The following ARL15 variants were observed in gnomAD, a reference collection of about 807,000 sequenced individuals.
ARL15 encodes ARF like GTPase 15, also known as ADP-ribosylation factor-like protein 15.
In ARL15, 19 loss-of-function variants were observed where a neutral mutation model predicts 25.2. The observed-to-expected ratio is 0.75, with a 90% CI of 0.53 to 1.10. The LOEUF (loss-of-function observed/expected upper bound fraction) is 1.10, where lower values mean the gene tolerates loss of function less well. Among genes scored for constraint, ARL15 ranks in the 50% least tolerant of loss-of-function variants. The probability of loss-of-function intolerance (pLI) is 0.00; values close to 1 mark genes in which losing one functional copy is unlikely to be tolerated. For missense variants in ARL15, 220 were observed against 246.0 expected, an observed-to-expected ratio of 0.89 and a Z score of 0.71; for synonymous variants, 94 against 86.8, an observed-to-expected ratio of 1.08 and a Z score of -0.46.
At chr5:54,275,703 G>A (rs1211722195) in intron 1 of ARL15, among the ~76,000 whole-genome samples, 2 of 141,092 alleles carry the variant, frequency 1.4e-5, no homozygotes, top group Non-Finnish European at 3.1e-5. Flanking sequence ...TTTTTTTTTT[G>A]AGACACAGTC....
At chr5:54,245,758 T>C (rs1432783472) in intron 1 of ARL15, among the ~76,000 whole-genome samples, 5 of 152,116 alleles carry the variant, frequency 3.3e-5, no homozygotes, top group South Asian at 2.1e-4. Flanking sequence ...CAGCTAATTT[T>C]TGTATTTATA....
chr5:54,237,136 G>A (rs553685228), intron 1 of ARL15, among the ~76,000 whole-genome samples: 5 of 152,306 alleles, frequency 3.3e-5, no homozygotes, highest in African/African-American at 1.2e-4. Flanking sequence ...CATGGGAGTG[G>A]GTTTTCCCCC....
intron 4 of ARL15, among the ~76,000 whole-genome samples, chr5:53,946,949 G>A: frequency 6.6e-6 from 1 of 152,214 alleles, no homozygotes; most frequent in East Asian, 1.9e-4. Context: ...TTATAAAGCT[G>A]TATGTAGGAG....
intron 4 of ARL15, among the ~76,000 whole-genome samples, chr5:53,936,920 C>G (rs1379051656): frequency 6.6e-6 from 1 of 152,210 alleles, no homozygotes; most frequent in Non-Finnish European, 1.5e-5. Context: ...ATCCCAAATG[C>G]TGCTAATCAA....
chr5:54,138,232 T>C (rs1022538798), intron 3 of ARL15, among the ~76,000 whole-genome samples: 6 of 151,982 alleles, frequency 3.9e-5, no homozygotes, highest in African/African-American at 7.3e-5. Flanking sequence ...TGTCCCAACA[T>C]TTCGGGAGGC....
At chr5:53,897,117 C>A (rs1744898681) in intron 4 of ARL15, among the ~76,000 whole-genome samples, 1 of 152,158 alleles carries the variant, frequency 6.6e-6, no homozygotes, top group Admixed American at 6.5e-5. Context: ...TAAAATTCAT[C>A]CTTTGAAAGC....
Position 54,115,226 on chromosome 5 carries a change from T to C in ARL15, c.254-1816A>G, listed in dbSNP as rs188701402. Among the ~76,000 whole-genome samples, 323 of 152,316 alleles carry C rather than the reference T, an allele frequency of 2.1e-3. 1 individual carries two copies. The highest frequency in any genetic ancestry group is 3.4e-3 in the Middle Eastern group (1 of 294). On this transcript the variant is annotated intron_variant, in intron 3 of 4. Coordinates refer to ENST00000504924, the MANE Select transcript of ARL15 (RefSeq NM_019087.3). ...AGAAAAGAAAACTCAAAGATTATAA[T>C]AGAGTACAAGAAAGTGCTGTCATAG...
intron 4 of ARL15, among the ~76,000 whole-genome samples, chr5:53,978,116 A>G (rs534635740): frequency 3.3e-5 from 5 of 152,256 alleles, no homozygotes; most frequent in African/African-American, 1.2e-4. Flanking sequence ...GAAAGGGGGA[A>G]AAAAAGGAAC....
chr5:53,978,464 A>G (rs1748013727), intron 4 of ARL15, among the ~76,000 whole-genome samples: 2 of 151,828 alleles, frequency 1.3e-5, no homozygotes, highest in African/African-American at 2.4e-5. Context: ...CTACTCCCGG[A>G]GTCATCCATT....
At chr5:54,303,044 C>G (rs772599876) in intron 1 of ARL15, among the ~76,000 whole-genome samples, 2 of 152,172 alleles carry the variant, frequency 1.3e-5, no homozygotes, top group African/African-American at 4.8e-5. Context: ...CCTTCCCTAA[C>G]AAGCTTTCCT....
intron 1 of ARL15, among the ~76,000 whole-genome samples, chr5:54,296,353 C>T (rs896016347): frequency 5.3e-5 from 8 of 152,254 alleles, no homozygotes; most frequent in South Asian, 2.1e-4. Context: ...CTCAATTCTG[C>T]GAGGTAGGTA....
At chr5:54,193,740 T>G (rs16882414) in intron 1 of ARL15, among the ~76,000 whole-genome samples, 20,562 of 145,460 alleles carry the variant, frequency 0.14, 1,636 homozygotes, top group Non-Finnish European at 0.18. Flanking sequence ...TTTTTTTTTT[T>G]CCAGAACTGT....
intron 4 of ARL15, chr5:53,912,180 T>C (rs1466917747): frequency 6.6e-6 from 1 of 152,056 alleles, no homozygotes; most frequent in African/African-American, 2.4e-5. Context: ...CTCACGTCAG[T>C]CCATTGAGGA....
In ARL15 at chr5:53,886,530, C is replaced by T; in HGVS notation, c.*31G>A. 3.2e-6 allele frequency: 5 copies of T among 1,547,480 alleles called. No individual in the cohort carries two copies. The highest frequency in any genetic ancestry group is 4.4e-6 in the Non-Finnish European group (5 of 1,146,362). The stretch of plus-strand genomic sequence containing the variant: ...AGAAACTAACATGATAGGTTCAAGG[C>T]CTTTTGGGAGCCTGTTTTCTTTGCC... On this transcript the variant is annotated 3_prime_UTR_variant, in exon 5 of 5. Coordinates refer to ENST00000504924, the MANE Select transcript of ARL15 (RefSeq NM_019087.3).
intron 1 of ARL15, among the ~76,000 whole-genome samples, chr5:54,254,151 G>C (rs1262024800): frequency 6.6e-6 from 1 of 152,128 alleles, no homozygotes; most frequent in Non-Finnish European, 1.5e-5. Flanking sequence ...TGTTTCCGTG[G>C]ATCACTGATT....
chr5:53,940,252 CG>C (rs1561158232), intron 4 of ARL15, among the ~76,000 whole-genome samples: 1 of 152,128 alleles, frequency 6.6e-6, no homozygotes, highest in Non-Finnish European at 1.5e-5. Context: ...GGATTACAGG[CG>C]TGAACCACCG....
chr5:54,165,292 A>G (rs896374167), intron 2 of ARL15, among the ~76,000 whole-genome samples: 10 of 152,080 alleles, frequency 6.6e-5, no homozygotes, highest in African/African-American at 1.9e-4. Context: ...AATTATCCAC[A>G]TAATTTGCAT....
chr5:53,996,939 T>C (rs1301773274), intron 4 of ARL15, among the ~76,000 whole-genome samples: 2 of 152,218 alleles, frequency 1.3e-5, no homozygotes, highest in African/African-American at 2.4e-5. Flanking sequence ...TTTTTACAGA[T>C]GGGAAGAAAG....
intron 1 of ARL15, among the ~76,000 whole-genome samples, chr5:54,249,550 A>G (rs74965971): frequency 0.029 from 4,374 of 152,262 alleles, 92 homozygotes; most frequent in Non-Finnish European, 0.047. Context: ...ATAGGTAACA[A>G]TATACAGAAA....
Sources: allele counts gnomAD v4.1 joint callset (sites outside exome capture counted in the v4.1 genomes callset), GRCh38; gene constraint gnomAD v4.1.1; transcripts MANE v1.5; gene names NCBI Gene and HGNC (gene_info 2026-07-23, HGNC 2026-07-21).